The following SCFD2 variants were observed in gnomAD, a reference collection of about 807,000 sequenced individuals.
SCFD2 encodes sec1 family domain-containing protein 2.
A neutral mutation model predicts 58.9 loss-of-function variants in SCFD2; 54 were observed. That is an observed-to-expected ratio of 0.92 (90% CI 0.74 to 1.15). The LOEUF (loss-of-function observed/expected upper bound fraction) is 1.15, where lower values mean the gene tolerates loss of function less well. Among genes scored for constraint, SCFD2 ranks in the 50% most tolerant of loss-of-function variants. The pLI is 0.00. For missense variants in SCFD2, 805 were observed against 836.6 expected (o/e 0.96, Z 0.47); for synonymous variants, 321 against 335.9 (o/e 0.96, Z 0.49).
chr4:53,187,006 A>C (rs1033914765), intron 4 of SCFD2, among the ~76,000 whole-genome samples: 14 of 152,114 alleles, frequency 9.2e-5, no homozygotes, highest in Non-Finnish European at 1.6e-4. Flanking sequence ...GACTGTAAAA[A>C]GAAAAAAGCA....
chr4:53,251,234 A>G (rs1730364071), intron 4 of SCFD2, among the ~76,000 whole-genome samples: 1 of 152,216 alleles, frequency 6.6e-6, no homozygotes, highest in Admixed American at 6.5e-5. Context: ...AATTGTGGCA[A>G]TAATCAATAG....
At chr4:53,122,074 C>CA (rs1725494009) in intron 5 of SCFD2, among the ~76,000 whole-genome samples, 1 of 152,044 alleles carries the variant, frequency 6.6e-6, no homozygotes, top group South Asian at 2.1e-4. Flanking sequence ...TGATGCCAAG[C>CA]AAAAAACATT....
At chr4:53,262,027 G>A (rs1324288024) in intron 4 of SCFD2, among the ~76,000 whole-genome samples, 4 of 151,718 alleles carry the variant, frequency 2.6e-5, no homozygotes, top group Non-Finnish European at 5.9e-5. Flanking sequence ...TTTTTTAACT[G>A]CTGTTGCTTT....
chr4:53,022,255 A>G (rs1237167861), intron 5 of SCFD2, among the ~76,000 whole-genome samples: 2 of 152,162 alleles, frequency 1.3e-5, no homozygotes, highest in Admixed American at 6.6e-5. Context: ...GGGGGACTTA[A>G]TTTACTTTTA....
chr4:52,953,719 G>A (rs532653717), intron 5 of SCFD2, among the ~76,000 whole-genome samples: 37 of 152,274 alleles, frequency 2.4e-4, no homozygotes, highest in African/African-American at 8.7e-4. Context: ...TCATCAAGAA[G>A]ATAATTACCA....
intron 5 of SCFD2, among the ~76,000 whole-genome samples, chr4:52,966,844 A>T (rs1023415031): frequency 6.6e-6 from 1 of 152,202 alleles, no homozygotes. Flanking sequence ...TGTAAAGCTC[A>T]TGTATATAAC....
chr4:53,140,401 A>ATATATATATT, intron 5 of SCFD2, among the ~76,000 whole-genome samples: 1 of 140,948 alleles, frequency 7.1e-6, no homozygotes, highest in African/African-American at 2.6e-5. Context: ...TAATATATAT[A>ATATATATATT]TATATATATA....
intron 3 of SCFD2, among the ~76,000 whole-genome samples, chr4:53,275,076 C>T (rs758435265): frequency 6.6e-6 from 1 of 152,206 alleles, no homozygotes; most frequent in South Asian, 2.1e-4. Flanking sequence ...CACAAACACA[C>T]CCTTTACTGA....
chr4:53,352,808 G>T, intron 1 of SCFD2, 42 bp from the exon 2 acceptor site: 1 of 1,536,908 alleles, frequency 6.5e-7, no homozygotes, highest in Non-Finnish European at 8.9e-7. Flanking sequence ...TAAAATGGGA[G>T]GAAAAAGCAA....
chr4:52,986,432 C>A (rs998721573), intron 5 of SCFD2, among the ~76,000 whole-genome samples: 1 of 149,960 alleles, frequency 6.7e-6, no homozygotes. Context: ...CTGGGTGTTA[C>A]AGGGGATGAA....
chr4:53,215,040 G>C (rs1728768947), intron 4 of SCFD2, among the ~76,000 whole-genome samples: 1 of 152,118 alleles, frequency 6.6e-6, no homozygotes, highest in African/African-American at 2.4e-5. Context: ...GTACCACGCT[G>C]TTTTGGTTAC....
At chr4:53,302,438 G>A (rs369038729) in intron 3 of SCFD2, among the ~76,000 whole-genome samples, 10 of 152,154 alleles carry the variant, frequency 6.6e-5, no homozygotes, top group Admixed American at 2.0e-4. Flanking sequence ...CCACTGCTCA[G>A]TGAAATAAAA....
chr4:53,219,973 T>C (rs1446543575), intron 4 of SCFD2, among the ~76,000 whole-genome samples: 1 of 152,166 alleles, frequency 6.6e-6, no homozygotes, highest in East Asian at 1.9e-4. Flanking sequence ...TCCAATCTGC[T>C]GGGGTGTAAG....
Position 52,979,255 on chromosome 4 carries a change from G to C in SCFD2, c.1562-58385C>G, listed in dbSNP as rs1230488868. ...TACACCAGCGGTGCAGGTTTTCTAG[G>C]GGCTGATGCAATGACACAACCCACT... is the stretch of plus-strand genomic sequence containing the variant. On this transcript the variant is annotated intron_variant, in intron 5 of 8. Transcript: ENST00000401642. Among the ~76,000 whole-genome samples, 5 of 152,088 alleles carry C rather than the reference G, an allele frequency of 3.3e-5. No individual in the cohort carries two copies. The East Asian group carries it at 9.7e-4, about 29-fold the overall frequency.
At chr4:53,256,278 T>A (rs1006101397) in intron 4 of SCFD2, among the ~76,000 whole-genome samples, 5 of 121,590 alleles carry the variant, frequency 4.1e-5, no homozygotes, top group Non-Finnish European at 6.8e-5. Flanking sequence ...GCTCCTCACA[T>A]CCCAGATGGG....
intron 5 of SCFD2, among the ~76,000 whole-genome samples, chr4:52,955,177 T>C (rs1372345380): frequency 6.6e-6 from 1 of 152,168 alleles, no homozygotes; most frequent in Non-Finnish European, 1.5e-5. Flanking sequence ...TCCAGGATGC[T>C]CCCTTTATGC....
intron 4 of SCFD2, among the ~76,000 whole-genome samples, chr4:53,237,926 C>T (rs1729709764): frequency 1.7e-5 from 2 of 119,810 alleles, no homozygotes; most frequent in African/African-American, 3.2e-5. Context: ...CACCTCCCTT[C>T]CGGACGGGGC....
At chr4:52,930,548 A>G (rs781252602) in intron 5 of SCFD2, among the ~76,000 whole-genome samples, 3 of 152,174 alleles carry the variant, frequency 2.0e-5, no homozygotes, top group African/African-American at 4.8e-5. Context: ...ACGATCCTAG[A>G]TCATCACGAA....
At chr4:53,107,507 G>C (rs182082220) in intron 5 of SCFD2, among the ~76,000 whole-genome samples, 1 of 152,208 alleles carries the variant, frequency 6.6e-6, no homozygotes, top group East Asian at 1.9e-4. Context: ...ACACTCACAG[G>C]CTCAAAATAA....
Sources: allele counts gnomAD v4.1 joint callset (sites outside exome capture counted in the v4.1 genomes callset), GRCh38; gene constraint gnomAD v4.1.1; transcripts MANE v1.5; gene names NCBI Gene and HGNC (gene_info 2026-07-23, HGNC 2026-07-21).